The following RASGRP1 variants were observed in gnomAD, a reference collection of about 807,000 sequenced individuals.
RASGRP1 encodes RAS guanyl releasing protein 1, also known as RAS guanyl-releasing protein 1.
In RASGRP1, 37 loss-of-function variants were observed where a neutral mutation model predicts 95.1. The ratio of observed to expected loss-of-function variants is 0.39; its 90% CI spans 0.30 to 0.51. The LOEUF (loss-of-function observed/expected upper bound fraction) is 0.51, where lower values mean the gene tolerates loss of function less well. Among genes scored for constraint, RASGRP1 ranks in the 20% least tolerant of loss-of-function variants. The probability of loss-of-function intolerance (pLI) is 0.80; values close to 1 mark genes in which losing one functional copy is unlikely to be tolerated. For synonymous variants in RASGRP1, 325 were observed against 353.4 expected (o/e 0.92, Z 0.90); for missense variants, 711 against 965.4 (o/e 0.74, Z 3.49).
rs182737463 is a variant in RASGRP1 at position 38,540,814 on chromosome 15, C to G, written c.221-14410G>C. Among the ~76,000 whole-genome samples, 18 of 152,278 alleles carry G rather than the reference C, an allele frequency of 1.2e-4. No individual in the cohort carries two copies. In the East Asian group the frequency reaches 3.5e-3, roughly 29 times the overall value. Reference sequence around the variant, plus strand: ...AAAACTTAGGTTAAAATTCAAAAAGCCTTTTTAGGTTTTTGTTTTATTTAG... The same window carrying G: ...AAAACTTAGGTTAAAATTCAAAAAGGCTTTTTAGGTTTTTGTTTTATTTAG... On this transcript the variant is annotated intron_variant, in intron 2 of 16. Transcript: ENST00000310803.
Position 38,555,877 on chromosome 15 carries a change from G to C in RASGRP1, c.220+3944C>G, listed in dbSNP as rs537480758. On this transcript the variant is annotated intron_variant, in intron 2 of 16. Transcript: ENST00000310803. ...GGGGTGGAGTTGTGTATGTGTGTTG[G>C]GGGGGCCCGTTCTGAGGCAGGTGTG... Among the ~76,000 whole-genome samples the C allele has an allele frequency of 7.2e-5, 11 of 152,190 alleles. No homozygotes were observed. The South Asian group carries it at 1.5e-3, about 20-fold the overall frequency.
chr15:38,488,342 C>T lies in RASGRP1; in HGVS notation c.*2212G>A, dbSNP rs565983634. 4.0e-5 allele frequency: 6 copies of T among 150,572 alleles called. No homozygotes were observed. The highest frequency in any genetic ancestry group is 1.5e-4 in the African/African-American group (6 of 41,104). 9.3% of individuals were successfully genotyped at this position (150,572 alleles called of 1,614,324 possible). On this transcript the variant is annotated 3_prime_UTR_variant, in exon 17 of 17. Transcript: ENST00000310803. Reference sequence around the variant, plus strand: ...TTTGGCAGATAAATACCTGGCCAAACTAAAGTCGTGTGAGATGCAGAAATT... The same window carrying T: ...TTTGGCAGATAAATACCTGGCCAAATTAAAGTCGTGTGAGATGCAGAAATT...
intron 9 of RASGRP1, among the ~76,000 whole-genome samples, chr15:38,507,232 G>T (rs1891295819): frequency 6.6e-6 from 1 of 152,216 alleles, no homozygotes; most frequent in East Asian, 1.9e-4. Flanking sequence ...TGCAAATCCT[G>T]GTCTCCCACA....
intron 16 of RASGRP1, among the ~76,000 whole-genome samples, chr15:38,493,782 C>T (rs1296921332): frequency 2.0e-5 from 3 of 152,100 alleles, no homozygotes; most frequent in South Asian, 2.1e-4. Context: ...AGATTCTCTT[C>T]GTTTATATTT....
Position 38,564,603 on chromosome 15 carries a change from T to TAC in RASGRP1, c.25_26insGT (p.Glu9GlyfsTer19). On this transcript the variant is annotated frameshift_variant, in exon 1 of 17. Coordinates refer to ENST00000310803, the MANE Select transcript of RASGRP1 (RefSeq NM_005739.4). LOFTEE classifies it high-confidence loss of function. Reference sequence around the variant, plus strand: ...GGCCGCCTCTACTCACCGCGGAGCCTCTCTCGCCTTGCCCAGGGTGCCCAT... The same window carrying TAC: ...GGCCGCCTCTACTCACCGCGGAGCCTACCTCTCGCCTTGCCCAGGGTGCCCAT... 1 of 1,380,310 alleles carries TAC rather than the reference T, an allele frequency of 7.2e-7. No homozygotes were observed. Among genetic ancestry groups the TAC allele is most frequent in the Non-Finnish European group, 9.5e-7 (1 of 1,055,252 alleles). 85.5% of individuals were successfully genotyped at this position (1,380,310 alleles called of 1,614,324 possible). A position where few individuals can be genotyped will look rare whatever the true frequency, so the allele number is the denominator to read the frequency against.
chr15:38,562,082 A>G (rs1003438728), intron 1 of RASGRP1, among the ~76,000 whole-genome samples: 1 of 152,212 alleles, frequency 6.6e-6, no homozygotes, highest in Non-Finnish European at 1.5e-5. Context: ...ATTTGTACCC[A>G]GCACCTCTCT....
chr15:38,499,107 C>T, intron 14 of RASGRP1, 161 bp from the exon 15 acceptor site: 1 of 975,870 alleles, frequency 1.0e-6, no homozygotes, highest in Non-Finnish European at 1.6e-6. Flanking sequence ...ATTCTTCTCA[C>T]TTGGTGAAGC....
intron 1 of RASGRP1, among the ~76,000 whole-genome samples, chr15:38,562,834 G>C (rs1893867254): frequency 6.6e-6 from 1 of 152,188 alleles, no homozygotes; most frequent in Non-Finnish European, 1.5e-5. Context: ...TTCTGGTAAA[G>C]TTTCCTAGTG....
chr15:38,519,257 C>A, intron 4 of RASGRP1, 52 bp downstream of exon 4: 1 of 1,461,146 alleles, frequency 6.8e-7, no homozygotes, highest in South Asian at 1.2e-5. Flanking sequence ...CTTGCTTCAC[C>A]TTTCATTTCA....
intron 9 of RASGRP1, 103 bp downstream of exon 9, chr15:38,507,623 T>C (rs1048064009): frequency 1.5e-6 from 2 of 1,309,692 alleles, no homozygotes; most frequent in Non-Finnish European, 2.1e-6. Context: ...ATCTGCTTCA[T>C]AGAGCCTTTA....
intron 1 of RASGRP1, among the ~76,000 whole-genome samples, chr15:38,564,071 A>G (rs1329498532): frequency 1.3e-5 from 2 of 152,210 alleles, no homozygotes; most frequent in African/African-American, 4.8e-5. Context: ...ACGGAAGGCG[A>G]TATGTTTCCC....
chr15:38,553,782 G>A (rs1893430809), intron 2 of RASGRP1, among the ~76,000 whole-genome samples: 2 of 152,150 alleles, frequency 1.3e-5, no homozygotes, highest in Admixed American at 1.3e-4. Context: ...TGCTCCCAGG[G>A]TTTCAGACCT....
intron 3 of RASGRP1, among the ~76,000 whole-genome samples, chr15:38,521,286 T>C (rs1891990100): frequency 6.6e-6 from 1 of 152,218 alleles, no homozygotes; most frequent in South Asian, 2.1e-4. Context: ...TCTTCCATTT[T>C]AAAGGGGAAG....
chr15:38,555,137 G>A (rs1358102228), intron 2 of RASGRP1, among the ~76,000 whole-genome samples: 1 of 152,142 alleles, frequency 6.6e-6, no homozygotes, highest in Non-Finnish European at 1.5e-5. Context: ...TGCCTTTTGC[G>A]GCTCCCATTT....
At chr15:38,494,355 A>C (rs1241786994) in intron 16 of RASGRP1, 27 bp downstream of exon 16, 2 of 1,612,282 alleles carry the variant, frequency 1.2e-6, no homozygotes, top group Non-Finnish European at 8.5e-7. Flanking sequence ...GATAGTCTGA[A>C]AAAAAGGAAA....
At chr15:38,506,033 A>G in intron 9 of RASGRP1, 113 bp from the exon 10 acceptor site, 1 of 809,680 alleles carries the variant, frequency 1.2e-6, no homozygotes, top group Non-Finnish European at 2.0e-6. Flanking sequence ...TAGGTTCTAA[A>G]CAGTTTGTTT....
At chr15:38,536,193 A>G (rs1254171805) in intron 2 of RASGRP1, among the ~76,000 whole-genome samples, 1 of 152,216 alleles carries the variant, frequency 6.6e-6, no homozygotes, top group Non-Finnish European at 1.5e-5. Flanking sequence ...ATGAGCTGCC[A>G]TGCACGCAAC....
rs77300810 is a variant in RASGRP1 at position 38,544,487 on chromosome 15, G to A, written c.220+15334C>T. On this transcript the variant is annotated intron_variant, in intron 2 of 16. Transcript: ENST00000310803. ...GGCCTTTAAGAGGTGACTGGGTCAC[G>A]AGGGGTTCACCCTCATGAATGGATT... is the stretch of plus-strand genomic sequence containing the variant. Among the ~76,000 whole-genome samples the A allele has an allele frequency of 3.2e-4, 49 of 152,258 alleles. No homozygotes were observed. In the East Asian group the frequency reaches 9.1e-3, roughly 28 times the overall value.
chr15:38,501,199 T>G lies in RASGRP1; in HGVS notation c.1627A>C (p.Asn543His). The G allele has an allele frequency of 6.2e-7, 1 of 1,613,198 alleles. No homozygotes were observed. Among genetic ancestry groups the G allele is most frequent in the Non-Finnish European group, 8.5e-7 (1 of 1,179,430 alleles). Reference sequence around the variant, plus strand: ...TTCAGGTAGGTGGTCTCTTGGAAGTTGTGAGGAAAGCCCAGGCCCAGCTTG... The same window carrying G: ...TTCAGGTAGGTGGTCTCTTGGAAGTGGTGAGGAAAGCCCAGGCCCAGCTTG... Reference protein sequence around the residue: ...YSKLGLGFPHNFQETTYLKPT... With the variant: ...YSKLGLGFPHHFQETTYLKPT... The change falls in exon 13 of 17, where the codon AAC (asparagine) becomes CAC (histidine). Residue 543 changes from asparagine (N) to histidine (H), a missense_variant. This residue lies in a region of RASGRP1 where 491 missense variants were observed against 676.6 expected (regional missense o/e 0.73). Transcript: ENST00000310803.
Sources: allele counts gnomAD v4.1 joint callset (sites outside exome capture counted in the v4.1 genomes callset), GRCh38; gene constraint gnomAD v4.1.1; regional missense constraint gnomAD v4.1.1; transcripts MANE v1.5; gene names NCBI Gene and HGNC (gene_info 2026-07-23, HGNC 2026-07-21).